Variants in COL23A1 observed in about 807,000 individuals in gnomAD.
The protein encoded by COL23A1 is collagen alpha-1(XXIII) chain.
COL23A1 carries 97 observed loss-of-function variants against 99.3 expected under a neutral mutation model. The observed-to-expected ratio is 0.98, with a 90% CI of 0.83 to 1.16. The LOEUF (loss-of-function observed/expected upper bound fraction) is 1.16. Among genes scored for constraint, COL23A1 ranks in the 50% most tolerant of loss-of-function variants. The pLI is 0.00. For synonymous variants in COL23A1, 320 were observed against 308.2 expected, an observed-to-expected ratio of 1.04 and a Z score of -0.40; for missense variants, 762 against 757.4, an observed-to-expected ratio of 1.01 and a Z score of -0.07.
chr5:178,380,492 C>CT (rs1162615854), intron 2 of COL23A1, among the ~76,000 whole-genome samples: 1 of 152,098 alleles, frequency 6.6e-6, no homozygotes. Flanking sequence ...GGAAAAGGCA[C>CT]TGTCACCACA....
At chr5:178,545,776 C>G (rs941432071) in intron 2 of COL23A1, among the ~76,000 whole-genome samples, 1 of 152,136 alleles carries the variant, frequency 6.6e-6, no homozygotes, top group Non-Finnish European at 1.5e-5. Flanking sequence ...CCTCCTATCA[C>G]CCCCACATCC....
intron 2 of COL23A1, among the ~76,000 whole-genome samples, chr5:178,539,618 T>C (rs1761183371): frequency 6.6e-6 from 1 of 151,236 alleles, no homozygotes; most frequent in Admixed American, 6.6e-5. Context: ...GAGTTCTCTA[T>C]TAAAACATGT....
intron 2 of COL23A1, among the ~76,000 whole-genome samples, chr5:178,459,732 A>T (rs978259355): frequency 6.6e-6 from 1 of 152,228 alleles, no homozygotes; most frequent in Admixed American, 6.5e-5. Context: ...ACTGCATTAC[A>T]GCCTGGGTGA....
intron 2 of COL23A1, among the ~76,000 whole-genome samples, chr5:178,368,326 G>C (rs1762602806): frequency 6.6e-6 from 1 of 152,144 alleles, no homozygotes; most frequent in Admixed American, 6.5e-5. Context: ...CAGCAAAATA[G>C]AGTGGAAAGT....
Position 178,247,473 on chromosome 5 carries a change from A to G in COL23A1, c.1296+53T>C. ...CTTTGCCCATTGGCAAGGCTCTTGG[A>G]AACTGCCCAGACGGTGAGTCTGAGG... On this transcript the variant is annotated intron_variant, in intron 22 of 28. Transcript: ENST00000390654. 3.7e-6 allele frequency: 6 copies of G among 1,607,738 alleles called. No individual in the cohort carries two copies. The South Asian group carries it at 4.4e-5, about 12-fold the overall frequency.
chr5:178,329,754 T>C (rs536393935), intron 2 of COL23A1, among the ~76,000 whole-genome samples: 10 of 151,948 alleles, frequency 6.6e-5, no homozygotes, highest in African/African-American at 1.9e-4. Context: ...CTGGCTAACA[T>C]AGAGAAACCC....
chr5:178,351,355 C>A (rs1416960971), intron 2 of COL23A1, among the ~76,000 whole-genome samples: 2 of 152,212 alleles, frequency 1.3e-5, no homozygotes, highest in Non-Finnish European at 2.9e-5. Context: ...GCTGTAGAAG[C>A]AAACCTTTGG....
chr5:178,357,835 T>C (rs1270173342), intron 2 of COL23A1, among the ~76,000 whole-genome samples: 1 of 146,512 alleles, frequency 6.8e-6, no homozygotes, highest in East Asian at 1.9e-4. Context: ...TATGTGTATG[T>C]GTGTGTATGT....
chr5:178,531,770 T>C (rs1760664264), intron 2 of COL23A1, among the ~76,000 whole-genome samples: 1 of 152,222 alleles, frequency 6.6e-6, no homozygotes, highest in Non-Finnish European at 1.5e-5. Context: ...CCCACTGCCC[T>C]GCTAGGCTGC....
At chr5:178,551,210 T>C (rs573400485) in intron 2 of COL23A1, among the ~76,000 whole-genome samples, 152 of 31,134 alleles carry the variant, frequency 4.9e-3, no homozygotes, top group African/African-American at 8.9e-3. Flanking sequence ...ATAAATTATT[T>C]TTCTTTTACA....
At chr5:178,348,624 T>C (rs1761127129) in intron 2 of COL23A1, among the ~76,000 whole-genome samples, 1 of 152,138 alleles carries the variant, frequency 6.6e-6, no homozygotes, top group African/African-American at 2.4e-5. Context: ...TGGGCTGAGC[T>C]CCCTGCCTGG....
chr5:178,301,478 C>T (rs1382284557), intron 3 of COL23A1, among the ~76,000 whole-genome samples: 2 of 152,160 alleles, frequency 1.3e-5, no homozygotes, highest in African/African-American at 2.4e-5. Context: ...TTTTTACTGC[C>T]CTACTTTCCT....
intron 3 of COL23A1, among the ~76,000 whole-genome samples, chr5:178,295,263 C>G (rs188254430): frequency 9.8e-5 from 15 of 152,308 alleles, no homozygotes; most frequent in Admixed American, 7.8e-4. Flanking sequence ...AACATTCCTA[C>G]AAGACATCTC....
intron 2 of COL23A1, among the ~76,000 whole-genome samples, chr5:178,361,758 C>G (rs900456144): frequency 6.6e-6 from 1 of 152,208 alleles, no homozygotes; most frequent in Non-Finnish European, 1.5e-5. Flanking sequence ...GCAGTCACCT[C>G]CAAGACAGGT....
chr5:178,262,884 T>C (rs979992521), intron 9 of COL23A1, among the ~76,000 whole-genome samples: 1 of 152,058 alleles, frequency 6.6e-6, no homozygotes, highest in African/African-American at 2.4e-5. Flanking sequence ...ATTGGGGGCG[T>C]AGACCAGGAT....
intron 5 of COL23A1, among the ~76,000 whole-genome samples, chr5:178,279,720 C>T (rs1756785288): frequency 6.6e-6 from 1 of 152,156 alleles, no homozygotes; most frequent in South Asian, 2.1e-4. Flanking sequence ...CCCCTACGCC[C>T]TTACCATCCC....
At chr5:178,341,699 C>G (rs188216637) in intron 2 of COL23A1, among the ~76,000 whole-genome samples, 2 of 152,250 alleles carry the variant, frequency 1.3e-5, no homozygotes, top group African/African-American at 2.4e-5. Flanking sequence ...GCTGGCAGAC[C>G]TGGGCCTCTT....
intron 2 of COL23A1, among the ~76,000 whole-genome samples, chr5:178,513,568 C>A (rs920816172): frequency 6.6e-6 from 1 of 152,164 alleles, no homozygotes; most frequent in African/African-American, 2.4e-5. Context: ...CTCTTTCCTG[C>A]TCATCTGGGT....
At chr5:178,349,965 A>G (rs1309829410) in intron 2 of COL23A1, among the ~76,000 whole-genome samples, 1 of 152,192 alleles carries the variant, frequency 6.6e-6, no homozygotes, top group Non-Finnish European at 1.5e-5. Flanking sequence ...ATGAGGCACC[A>G]GTGCATGTGC....
Sources: gnomAD v4.1 joint callset for allele counts (sites outside exome capture counted in the v4.1 genomes callset) on GRCh38, gnomAD v4.1.1 for gene constraint, MANE v1.5 for transcripts, NCBI Gene and HGNC (gene_info 2026-07-23, HGNC 2026-07-21) for gene names.